Variants in SPP1 observed in about 807,000 individuals in gnomAD.
SPP1 encodes the protein secreted phosphoprotein 1.
In SPP1, 18 loss-of-function variants were observed where a neutral mutation model predicts 20.8. The ratio of observed to expected loss-of-function variants is 0.87; its 90% CI spans 0.60 to 1.29. SPP1 has a LOEUF of 1.29. Ranked by LOEUF, SPP1 falls within the 50% of genes most tolerant of loss-of-function variation. SPP1 has a pLI of 0.00. For synonymous variants in SPP1, 146 were observed against 141.5 expected, an observed-to-expected ratio of 1.03 and a Z score of -0.23; for missense variants, 363 against 389.0, an observed-to-expected ratio of 0.93 and a Z score of 0.56.
chr4:87,979,520 G>A (rs943617610), intron 3 of SPP1, among the ~76,000 whole-genome samples: 1 of 152,054 alleles, frequency 6.6e-6, no homozygotes, highest in Non-Finnish European at 1.5e-5. Context: ...GTGGTTAGAG[G>A]ATACTGAATT....
At chr4:87,978,433 T>A (rs536096029) in intron 3 of SPP1, among the ~76,000 whole-genome samples, 1,516 of 140,158 alleles carry the variant, frequency 0.011, 13 homozygotes, top group Non-Finnish European at 0.017. Context: ...TCTCGCTCCG[T>A]CGCCCAGGCT....
chr4:87,979,718 T>C (rs1725569154), intron 3 of SPP1, among the ~76,000 whole-genome samples: 1 of 152,196 alleles, frequency 6.6e-6, no homozygotes, highest in South Asian at 2.1e-4. Context: ...GAACCCTGCC[T>C]GGCTCTGCCA....
In SPP1 at chr4:87,982,829, A is replaced by C. The variant is rs777421586; in HGVS notation, c.878A>C (p.Glu293Ala). Reference sequence around the variant, plus strand: ...CTGGTTGTAGACCCCAAAAGTAAGGAAGAAGATAAACACCTGAAATTTCGT... The same window carrying C: ...CTGGTTGTAGACCCCAAAAGTAAGGCAGAAGATAAACACCTGAAATTTCGT... ...DMLVVDPKSK[E>A]EDKHLKFRIS... The change falls in exon 7 of 7, where the codon GAA becomes GCA. Residue 293 changes from glutamate to alanine, a missense_variant. Coordinates refer to ENST00000395080, the MANE Select transcript of SPP1 (RefSeq NM_001040058.2). 7 of 1,614,080 alleles carry C rather than the reference A, an allele frequency of 4.3e-6. No homozygotes were observed. The Admixed American group carries it at 1.2e-4, about 27-fold the overall frequency.
In SPP1 at chr4:87,983,123, G is replaced by T; in HGVS notation, c.*227G>T. ...GGGTTATGTCTATGTTCATTCTATA[G>T]AAGAAATGCAAACTATCACTGTATT... On this transcript the variant is annotated 3_prime_UTR_variant, in exon 7 of 7. Coordinates refer to ENST00000395080, the MANE Select transcript of SPP1 (RefSeq NM_001040058.2). The T allele has an allele frequency of 2.3e-6, 1 of 431,408 alleles. No homozygotes were observed. The allele number at this position is 431,408 out of a possible 1,614,324, so 26.7% of individuals were successfully genotyped here. A position where few individuals can be genotyped will look rare whatever the true frequency, so the allele number is the denominator to read the frequency against.
At chr4:87,980,201 T>A in intron 4 of SPP1, 75 bp downstream of exon 4, 1 of 1,554,554 alleles carries the variant, frequency 6.4e-7, no homozygotes, top group Admixed American at 1.7e-5. Context: ...GCTGCTCAGA[T>A]GAATCCTGCC....
chr4:87,981,895 C>A, intron 6 of SPP1, 97 bp downstream of exon 6: 2 of 1,058,380 alleles, frequency 1.9e-6, no homozygotes, highest in Non-Finnish European at 2.7e-6. Context: ...TCCATTCATT[C>A]ATCCATTCAG....
rs150703833 is a variant in SPP1 at position 87,982,610 on chromosome 4, G to A, written c.659G>A (p.Arg220His). Residue 220 changes from arginine (R) to histidine (H), a missense_variant, in exon 7 of 7, where the codon CGT (arginine) becomes CAT (histidine). By Grantham distance (29) the Arg-to-His change is conservative. Transcript: ENST00000395080. ...AACGCGCCTTCTGATTGGGACAGCC[G>A]TGGGAAGGACAGTTATGAAACGAGT... ...DLNAPSDWDS[R>H]GKDSYETSQL... 62 of 1,614,116 alleles carry A rather than the reference G, an allele frequency of 3.8e-5. No individual in the cohort carries two copies. Among genetic ancestry groups the A allele is most frequent in the African/African-American group, 3.7e-4 (28 of 75,034 alleles).
At chr4:87,979,267 C>T (rs1725545383) in intron 3 of SPP1, among the ~76,000 whole-genome samples, 1 of 150,306 alleles carries the variant, frequency 6.7e-6, no homozygotes, top group South Asian at 2.1e-4. Context: ...TGGGTTCACG[C>T]CATTCTCTTG....
rs755968112 is a variant in SPP1 at position 87,980,072 on chromosome 4, G to A, written c.120G>A (p.Val40=). 6.2e-7 allele frequency: 1 copy of A among 1,613,902 alleles called. No individual in the cohort carries two copies. Among genetic ancestry groups the A allele is most frequent in the South Asian group, 1.1e-5 (1 of 91,068 alleles). Residue 40 remains valine, a synonymous_variant, in exon 4 of 7, where the codon GTG becomes GTA. Coordinates refer to ENST00000395080, the MANE Select transcript of SPP1 (RefSeq NM_001040058.2). ...KQLYNKYPDA[V]ATWLNPDPSQ... ...TTTACAACAAATACCCAGATGCTGTGGCCACATGGCTAAACCCTGACCCAT... is the reference window on the plus strand; with the variant it reads ...TTTACAACAAATACCCAGATGCTGTAGCCACATGGCTAAACCCTGACCCAT...
Position 87,979,334 on chromosome 4 carries a change from T to A in SPP1, c.94-712T>A, listed in dbSNP as rs185589180. Among the ~76,000 whole-genome samples the A allele has an allele frequency of 1.9e-3, 281 of 151,834 alleles. 1 individual carries two copies. The highest frequency in any genetic ancestry group is 0.014 in the Middle Eastern group (4 of 294). On this transcript the variant is annotated intron_variant, in intron 3 of 6. Transcript: ENST00000395080. Reference sequence around the variant, plus strand: ...TGCCTGCCACCACGCCCGGCTATTTTTTTTTATTTTTATTTTTTTTAGTAG... The same window carrying A: ...TGCCTGCCACCACGCCCGGCTATTTATTTTTATTTTTATTTTTTTTAGTAG...
chr4:87,980,030 T>C lies in SPP1; in HGVS notation c.94-16T>C. 3 of 1,613,000 alleles carry C rather than the reference T, an allele frequency of 1.9e-6. No individual in the cohort carries two copies. Among genetic ancestry groups the C allele is most frequent in the South Asian group, 1.1e-5 (1 of 90,810 alleles). On this transcript the variant is annotated splice_polypyrimidine_tract_variant and intron_variant, in intron 3 of 6. Coordinates refer to ENST00000395080, the MANE Select transcript of SPP1 (RefSeq NM_001040058.2). ...TTTCTTTTTTTAATAATGATAAACA[T>C]GCAACTTTTTTGTAGCTTTACAACA...
chr4:87,983,076 T>C lies in SPP1; in HGVS notation c.*180T>C, dbSNP rs982759490. On this transcript the variant is annotated 3_prime_UTR_variant, in exon 7 of 7. Transcript: ENST00000395080. ...GTTTAGTTTGTGGCTTCATGGAAAC[T>C]CCCTGTAAACTAAAAGCTTCAGGGT... is the stretch of plus-strand genomic sequence containing the variant. 6.2e-6 allele frequency: 4 copies of C among 643,120 alleles called. No homozygotes were observed. Among genetic ancestry groups the C allele is most frequent in the Non-Finnish European group, 1.0e-5 (4 of 392,618 alleles). 39.8% of individuals were successfully genotyped at this position (643,120 alleles called of 1,614,324 possible).
rs142445646 is a variant in SPP1, at chr4:87,976,028, A to G, written c.-15+228A>G. ...TAAAAATACTTCCACTGGGTCCTCAAAAGAACGGAAACCACCGATGCTAAT... is the reference window on the plus strand; with the variant it reads ...TAAAAATACTTCCACTGGGTCCTCAGAAGAACGGAAACCACCGATGCTAAT... On this transcript the variant is annotated intron_variant, in intron 1 of 6. Coordinates refer to ENST00000395080, the MANE Select transcript of SPP1 (RefSeq NM_001040058.2). Among the ~76,000 whole-genome samples, 103 of 152,320 alleles carry G rather than the reference A, an allele frequency of 6.8e-4. 2 individuals carry two copies. In the East Asian group the frequency reaches 0.018, roughly 27 times the overall value.
At position 87,976,925 on chromosome 4, in the gene SPP1, C is replaced by T. The variant is rs1221044162; in HGVS notation, c.30C>T (p.Leu10=). The T allele has an allele frequency of 6.2e-7, 1 of 1,613,690 alleles. No homozygotes were observed. The highest frequency in any genetic ancestry group is 1.3e-5 in the African/African-American group (1 of 75,044). The change falls in exon 2 of 7, where the codon CTC becomes CTT. Residue 10 remains leucine (L), a synonymous_variant. Transcript: ENST00000395080. ...GAATTGCAGTGATTTGCTTTTGCCT[C>T]CTAGGCATCACCTGTGCCATACCAG... MRIAVICFC[L]LGITCAIPVK...
At chr4:87,979,941 C>T (rs1725576467) in intron 3 of SPP1, 105 bp from the exon 4 acceptor site, 3 of 1,116,542 alleles carry the variant, frequency 2.7e-6, no homozygotes, top group Non-Finnish European at 3.9e-6. Context: ...CCTAAGGGTC[C>T]GGGTGACTAT....
At chr4:87,981,238 C>G (rs1725626087) in intron 5 of SPP1, among the ~76,000 whole-genome samples, 1 of 152,090 alleles carries the variant, frequency 6.6e-6, no homozygotes, top group African/African-American at 2.4e-5. Flanking sequence ...TTGAAAATAT[C>G]TATAAAAATA....
chr4:87,977,627 A>T (rs1221175150), intron 3 of SPP1: 1 of 1,103,372 alleles, frequency 9.1e-7, no homozygotes, highest in Non-Finnish European at 1.1e-6. Flanking sequence ...CAAACATAAG[A>T]CCAACCAAAC....
chr4:87,981,631 C>T lies in SPP1; in HGVS notation c.373C>T (p.His125Tyr). ...TTCTCACCAGTCTGATGAGTCTCAC[C>T]ATTCTGATGAATCTGATGAACTGGT... ...DDSHQSDESHHSDESDELVTD... is the reference protein window; with the variant it reads ...DDSHQSDESHYSDESDELVTD... Residue 125 changes from histidine (H) to tyrosine (Y), a missense_variant, in exon 6 of 7, where the codon CAT (histidine) becomes TAT (tyrosine). Coordinates refer to ENST00000395080, the MANE Select transcript of SPP1 (RefSeq NM_001040058.2). 2 of 1,614,180 alleles carry T rather than the reference C, an allele frequency of 1.2e-6. No individual in the cohort carries two copies. The highest frequency in any genetic ancestry group is 8.5e-7 in the Non-Finnish European group (1 of 1,180,032).
At chr4:87,980,172 C>A (rs1725586010) in intron 4 of SPP1, 46 bp downstream of exon 4, 1 of 1,603,814 alleles carries the variant, frequency 6.2e-7, no homozygotes, top group Non-Finnish European at 8.5e-7. Context: ...TGAAAGATAG[C>A]CACACTCAGG....
Sources: allele counts gnomAD v4.1 joint callset (sites outside exome capture counted in the v4.1 genomes callset), GRCh38; gene constraint gnomAD v4.1.1; transcripts MANE v1.5; gene names NCBI Gene and HGNC (gene_info 2026-07-23, HGNC 2026-07-21).